Variants in INPP4A observed in about 807,000 individuals in gnomAD.
The protein encoded by INPP4A is inositol polyphosphate-4-phosphatase, type I, 107kD.
In INPP4A, 33 loss-of-function variants were observed where a neutral mutation model predicts 119.8. That is an observed-to-expected ratio of 0.28 (90% CI 0.21 to 0.37). The LOEUF is 0.37. Among genes scored for constraint, INPP4A ranks in the 10% least tolerant of loss-of-function variants. INPP4A has a pLI of 1.00. For synonymous variants in INPP4A, 496 were observed against 500.7 expected, an observed-to-expected ratio of 0.99 and a Z score of 0.12; for missense variants, 956 against 1,289.9, an observed-to-expected ratio of 0.74 and a Z score of 3.97.
intron 24 of INPP4A, among the ~76,000 whole-genome samples, chr2:98,585,848 C>G (rs1699893463): frequency 6.6e-6 from 1 of 152,226 alleles, no homozygotes; most frequent in Non-Finnish European, 1.5e-5. Context: ...TGTCAAAGTT[C>G]ACAAATTATT....
Position 98,467,897 on chromosome 2 carries a change from G to T in INPP4A, c.-166+22812G>T, listed in dbSNP as rs149378113. 6.6e-3 allele frequency among the ~76,000 whole-genome samples: 1,007 copies of T among 151,960 alleles called. 17 individuals are homozygous for T. Among genetic ancestry groups the T allele is most frequent in the African/African-American group, 0.023 (942 of 41,442 alleles). ...ACTGTCTAATAGTTATTTATTTCTT[G>T]GGAACTTAAGTACCAACTTAGTGGT... On this transcript the variant is annotated intron_variant, in intron 1 of 24. Coordinates refer to ENST00000409851, the MANE Select transcript of INPP4A (RefSeq NM_001134225.2).
chr2:98,549,664 A>G (rs1693141647), intron 13 of INPP4A, among the ~76,000 whole-genome samples: 1 of 152,128 alleles, frequency 6.6e-6, no homozygotes, highest in African/African-American at 2.4e-5. Context: ...CCTGTGACCC[A>G]TGGGGCTCAG....
In INPP4A at chr2:98,462,194, A is replaced by T. The variant is rs139924982; in HGVS notation, c.-166+17109A>T. On this transcript the variant is annotated intron_variant, in intron 1 of 24. Coordinates refer to ENST00000409851, the MANE Select transcript of INPP4A (RefSeq NM_001134225.2). ...CCAGGCGTGGTGGCTCACGCCTATG[A>T]TCCCAGCACTTTGGAAGGCCAAGGT... Among the ~76,000 whole-genome samples the T allele has an allele frequency of 5.2e-3, 793 of 152,316 alleles. 11 individuals carry two copies. Among genetic ancestry groups the T allele is most frequent in the African/African-American group, 0.018 (737 of 41,576 alleles).
In INPP4A at chr2:98,571,506, T is replaced by G. The variant is rs546466107; in HGVS notation, c.2519-1309T>G. On this transcript the variant is annotated intron_variant, in intron 22 of 24. Transcript: ENST00000409851. ...CTAGCACCTTAGAGGGCAGGCAGTC[T>G]CCAGGGCTCGGGGAGCTGTTACAAT... Among the ~76,000 whole-genome samples, 5 of 152,328 alleles carry G rather than the reference T, an allele frequency of 3.3e-5. No individual in the cohort carries two copies. In the East Asian group the frequency reaches 9.7e-4, roughly 29 times the overall value.
intron 11 of INPP4A, among the ~76,000 whole-genome samples, chr2:98,544,581 A>G (rs1440926130): frequency 1.3e-5 from 2 of 152,052 alleles, no homozygotes; most frequent in African/African-American, 4.8e-5. Context: ...TTTTCAAAAC[A>G]CTCTCAGGGC....
At chr2:98,563,858 C>T (rs1695941037) in intron 18 of INPP4A, among the ~76,000 whole-genome samples, 1 of 152,036 alleles carries the variant, frequency 6.6e-6, no homozygotes, top group Admixed American at 6.6e-5. Flanking sequence ...AAGGAACTGG[C>T]ACCTGCAGAG....
intron 1 of INPP4A, among the ~76,000 whole-genome samples, chr2:98,467,003 T>G (rs1674921171): frequency 6.6e-6 from 1 of 152,230 alleles, no homozygotes; most frequent in Non-Finnish European, 1.5e-5. Flanking sequence ...CTCACAATTC[T>G]GATGGCTGGA....
intron 10 of INPP4A, among the ~76,000 whole-genome samples, chr2:98,543,295 C>G (rs1047215284): frequency 2.4e-4 from 36 of 152,202 alleles, no homozygotes; most frequent in African/African-American, 8.4e-4. Context: ...GAGGAGCCAA[C>G]TCTAGGCTGC....
At chr2:98,533,209 A>G (rs571613381) in intron 4 of INPP4A, among the ~76,000 whole-genome samples, 168 bp from the exon 5 acceptor site, 2 of 152,294 alleles carry the variant, frequency 1.3e-5, no homozygotes, top group African/African-American at 4.8e-5. Flanking sequence ...GTGAAAAGAG[A>G]TTGTTTCAAA....
At position 98,546,274 on chromosome 2, in the gene INPP4A, C is replaced by T. The variant is rs1425547075; in HGVS notation, c.1054+201C>T. ...TTTTGTCTCTCCTCACTCTAGCTTC[C>T]CTTTGTATTTCTGCAGTAGAAAGTT... On this transcript the variant is annotated intron_variant, in intron 12 of 24. Transcript: ENST00000409851. This position sits in a 1 kb window ranked among gnomAD's most constrained non-coding sequence, Gnocchi z 4.2. 1.3e-5 allele frequency among the ~76,000 whole-genome samples: 2 copies of T among 152,208 alleles called. No individual in the cohort carries two copies. The highest frequency in any genetic ancestry group is 6.5e-5 in the Admixed American group (1 of 15,278).
intron 3 of INPP4A, among the ~76,000 whole-genome samples, chr2:98,520,395 C>T (rs1041855694): frequency 3.3e-5 from 5 of 152,176 alleles, no homozygotes; most frequent in African/African-American, 1.2e-4. Context: ...GTGGCAGGGG[C>T]ACCACCAGGG....
chr2:98,541,908 G>T (rs1401561733), intron 10 of INPP4A, among the ~76,000 whole-genome samples: 1 of 152,196 alleles, frequency 6.6e-6, no homozygotes, highest in Non-Finnish European at 1.5e-5. Flanking sequence ...TTTAACAAGT[G>T]CTTTAGTTCA....
At chr2:98,544,087 C>T in intron 11 of INPP4A, 80 bp downstream of exon 11, 4 of 1,305,818 alleles carry the variant, frequency 3.1e-6, no homozygotes, top group Non-Finnish European at 4.2e-6. Flanking sequence ...TCAGTCACTC[C>T]CTCTGCTTTC....
intron 1 of INPP4A, among the ~76,000 whole-genome samples, chr2:98,517,065 C>G (rs1384979664): frequency 6.6e-6 from 1 of 152,064 alleles, no homozygotes; most frequent in Non-Finnish European, 1.5e-5. Flanking sequence ...CAGATCATTT[C>G]CAGAGCCCCG....
At chr2:98,543,782 TC>T in intron 10 of INPP4A, 94 bp from the exon 11 acceptor site, 2 of 1,482,270 alleles carry the variant, frequency 1.3e-6, no homozygotes, top group Non-Finnish European at 1.8e-6. Flanking sequence ...CCATGATACT[TC>T]CCCTGCAAAT....
At chr2:98,509,555 T>A (rs1558972590) in intron 1 of INPP4A, among the ~76,000 whole-genome samples, 1 of 152,110 alleles carries the variant, frequency 6.6e-6, no homozygotes. Context: ...AGATTGCCAG[T>A]TTACAGAGAA....
In INPP4A at chr2:98,559,604, A is replaced by G. The variant is rs960793776; in HGVS notation, c.1855+109A>G. 4 of 1,198,326 alleles carry G rather than the reference A, an allele frequency of 3.3e-6. No individual in the cohort carries two copies. In the South Asian group the frequency reaches 4.2e-5, roughly 12 times the overall value. The allele number at this position is 1,198,326 out of a possible 1,614,324, so 74.2% of individuals were successfully genotyped here. ...TGCCTTATGATCCCAGAGTTGGGAA[A>G]GTATTCCAGGACCTCCTTCGTTGTG... On this transcript the variant is annotated intron_variant, in intron 17 of 24. Coordinates refer to ENST00000409851, the MANE Select transcript of INPP4A (RefSeq NM_001134225.2).
chr2:98,519,239 A>G (rs1330327342), intron 2 of INPP4A: 1 of 152,272 alleles, frequency 6.6e-6, no homozygotes, highest in East Asian at 1.9e-4. Context: ...TAGGGTTGGA[A>G]AAACCTGAAA....
At chr2:98,535,609 G>A in intron 5 of INPP4A, 120 bp from the exon 6 acceptor site, 1 of 625,288 alleles carries the variant, frequency 1.6e-6, no homozygotes, top group South Asian at 1.9e-5. Context: ...TTTAGCATTT[G>A]TGTTGATTCA....
Sources: allele counts gnomAD v4.1 joint callset (sites outside exome capture counted in the v4.1 genomes callset), GRCh38; gene constraint gnomAD v4.1.1; non-coding constraint Gnocchi (gnomAD v3.1); transcripts MANE v1.5; gene names NCBI Gene and HGNC (gene_info 2026-07-23, HGNC 2026-07-21).